CCDC148: variants seen among roughly 807,000 people sequenced by gnomAD.
CCDC148 encodes coiled-coil domain containing 148, also known as coiled-coil domain-containing protein 148.
CCDC148 carries 89 observed loss-of-function variants against 85.7 expected under a neutral mutation model. The observed-to-expected ratio is 1.04, with a 90% CI of 0.87 to 1.24. The LOEUF (loss-of-function observed/expected upper bound fraction) is 1.24. Among genes scored for constraint, CCDC148 ranks in the 50% most tolerant of loss-of-function variants. CCDC148 has a pLI of 0.00. For missense variants in CCDC148, 692 were observed against 671.7 expected, an observed-to-expected ratio of 1.03 and a Z score of -0.33; for synonymous variants, 230 against 213.9, an observed-to-expected ratio of 1.08 and a Z score of -0.66.
intron 1 of CCDC148, among the ~76,000 whole-genome samples, chr2:158,403,745 AT>A (rs1409827579): frequency 6.6e-6 from 1 of 152,028 alleles, no homozygotes; most frequent in African/African-American, 2.4e-5. Context: ...TTGTCTTGTC[AT>A]TTATTAAAAA....
rs1559141535 is a variant in CCDC148 at position 158,433,092 on chromosome 2, A to AAAAAAAAAAAATATCTATATATC, written c.25+23322_25+23323insGATATATAGATATTTTTTTTTTT. On this transcript the variant is annotated intron_variant, in intron 1 of 13. Transcript: ENST00000283233. ...ATCTCTACAAAAAAAAAAAAAAAAA[A>AAAAAAAAAAAATATCTATATATC]TATATATATATATATATATGACTTG... Among the ~76,000 whole-genome samples, 30 of 67,312 alleles carry AAAAAAAAAAAATATCTATATATC rather than the reference A, an allele frequency of 4.5e-4. 1 individual carries two copies. Among genetic ancestry groups the AAAAAAAAAAAATATCTATATATC allele is most frequent in the African/African-American group, 1.4e-3 (27 of 19,452 alleles). 44.2% of individuals were successfully genotyped at this position (67,312 alleles called of 152,430 possible). A position where few individuals can be genotyped will look rare whatever the true frequency, so the allele number is the denominator to read the frequency against.
intron 1 of CCDC148, among the ~76,000 whole-genome samples, chr2:158,373,902 C>T (rs1684550038): frequency 6.6e-6 from 1 of 152,058 alleles, no homozygotes; most frequent in South Asian, 2.1e-4. Flanking sequence ...AGGCCTTTAG[C>T]TGATCATCTC....
At chr2:158,251,585 A>C (rs1244054032) in intron 9 of CCDC148, among the ~76,000 whole-genome samples, 6 of 151,884 alleles carry the variant, frequency 4.0e-5, no homozygotes, top group Non-Finnish European at 1.5e-5. Context: ...TACCCACAGG[A>C]ATGTGCACTA....
intron 11 of CCDC148, among the ~76,000 whole-genome samples, chr2:158,188,974 AATTAATCACCAGAGAGATGCAATC>A (rs1210454997): frequency 6.6e-6 from 1 of 152,072 alleles, no homozygotes; most frequent in Non-Finnish European, 1.5e-5. Context: ...AGTGGCCAAC[AATTAATCACCAGAGAGATGCAATC>A]ATTAATCACC....
At chr2:158,268,788 T>C (rs527460924) in intron 9 of CCDC148, among the ~76,000 whole-genome samples, 2 of 152,316 alleles carry the variant, frequency 1.3e-5, no homozygotes, top group South Asian at 2.1e-4. Flanking sequence ...TCTGCTTCTA[T>C]GAGTTCAACA....
At chr2:158,281,758 T>C (rs1279444482) in intron 9 of CCDC148, among the ~76,000 whole-genome samples, 1 of 151,902 alleles carries the variant, frequency 6.6e-6, no homozygotes, top group Non-Finnish European at 1.5e-5. Context: ...AAAGAGGGAA[T>C]CCTCCCTAAC....
intron 11 of CCDC148, among the ~76,000 whole-genome samples, chr2:158,190,061 T>G (rs2105271924): frequency 6.6e-6 from 1 of 152,132 alleles, no homozygotes; most frequent in East Asian, 1.9e-4. Context: ...GCCTGTCTAA[T>G]TAGTCAGTGA....
At chr2:158,334,955 T>G (rs1693342322) in intron 7 of CCDC148, among the ~76,000 whole-genome samples, 1 of 152,156 alleles carries the variant, frequency 6.6e-6, no homozygotes, top group Non-Finnish European at 1.5e-5. Context: ...CCATGAGTCA[T>G]GGATATTTTG....
chr2:158,446,184 C>T (rs1048513870), intron 1 of CCDC148, among the ~76,000 whole-genome samples: 4 of 151,916 alleles, frequency 2.6e-5, no homozygotes, highest in Admixed American at 2.6e-4. Context: ...CCCATCTCTA[C>T]AAAAAAACTA....
chr2:158,265,553 A>G (rs1228916711), intron 9 of CCDC148, among the ~76,000 whole-genome samples: 1 of 152,134 alleles, frequency 6.6e-6, no homozygotes, highest in African/African-American at 2.4e-5. Flanking sequence ...TTTCTAACTT[A>G]TAATTTATAA....
intron 7 of CCDC148, among the ~76,000 whole-genome samples, chr2:158,337,298 T>C (rs186287012): frequency 1.8e-4 from 27 of 152,266 alleles, no homozygotes; most frequent in Middle Eastern, 3.4e-3. Context: ...CCAACTTGCT[T>C]TAAATGATAG....
At chr2:158,189,693 T>G (rs1467685080) in intron 11 of CCDC148, among the ~76,000 whole-genome samples, 1 of 151,948 alleles carries the variant, frequency 6.6e-6, no homozygotes, top group South Asian at 2.1e-4. Context: ...GAAATAATAT[T>G]TACCTTTCCA....
Position 158,390,728 on chromosome 2 carries a change from C to G in CCDC148, c.26-32158G>C, listed in dbSNP as rs186339297. On this transcript the variant is annotated intron_variant, in intron 1 of 13. Coordinates refer to ENST00000283233, the MANE Select transcript of CCDC148 (RefSeq NM_138803.4). ...AGGTGATGTTTATTCTGAGACCAGGCTGCATTCTAGCCTTTCCTTGGTGTC... is the reference window on the plus strand; with the variant it reads ...AGGTGATGTTTATTCTGAGACCAGGGTGCATTCTAGCCTTTCCTTGGTGTC... Among the ~76,000 whole-genome samples the G allele has an allele frequency of 4.3e-3, 653 of 152,276 alleles. 6 individuals carry two copies. Among genetic ancestry groups the G allele is most frequent in the Non-Finnish European group, 7.9e-3 (539 of 68,020 alleles).
intron 1 of CCDC148, among the ~76,000 whole-genome samples, chr2:158,358,879 G>A (rs1479477490): frequency 2.0e-5 from 3 of 152,058 alleles, no homozygotes; most frequent in Admixed American, 6.6e-5. Flanking sequence ...AAAGTATGAC[G>A]ACTGTTAACC....
chr2:158,201,132 A>G (rs933159484), intron 11 of CCDC148, among the ~76,000 whole-genome samples: 4 of 152,072 alleles, frequency 2.6e-5, no homozygotes, highest in African/African-American at 9.7e-5. Context: ...AGAGAGAGAA[A>G]AATTTACTTA....
At chr2:158,449,016 CAG>C (rs1688280587) in intron 1 of CCDC148, among the ~76,000 whole-genome samples, 1 of 151,906 alleles carries the variant, frequency 6.6e-6, no homozygotes, top group Non-Finnish European at 1.5e-5. Context: ...TTAGTAGAGA[CAG>C]CATTTCACCA....
chr2:158,325,265 C>T (rs747170511), intron 7 of CCDC148, among the ~76,000 whole-genome samples: 2 of 152,102 alleles, frequency 1.3e-5, no homozygotes, highest in Non-Finnish European at 1.5e-5. Context: ...ATTGAACCTC[C>T]ATCTAAAGCC....
intron 9 of CCDC148, among the ~76,000 whole-genome samples, chr2:158,271,995 G>A (rs1243954379): frequency 6.6e-6 from 1 of 152,108 alleles, no homozygotes; most frequent in East Asian, 1.9e-4. Context: ...GTGACAAGTT[G>A]CATTAATTCA....
chr2:158,212,936 G>A (rs539766182), intron 11 of CCDC148, among the ~76,000 whole-genome samples: 2 of 152,306 alleles, frequency 1.3e-5, no homozygotes, highest in African/African-American at 4.8e-5. Context: ...AACCCAGTAG[G>A]TGACTTTGGG....
Sources: gnomAD v4.1 joint callset for allele counts (sites outside exome capture counted in the v4.1 genomes callset) on GRCh38, gnomAD v4.1.1 for gene constraint, MANE v1.5 for transcripts, NCBI Gene and HGNC (gene_info 2026-07-23, HGNC 2026-07-21) for gene names.